The following KCND2 variants were observed in gnomAD, a reference collection of about 807,000 sequenced individuals.
KCND2 encodes potassium voltage-gated channel subfamily D member 2.
KCND2 carries 16 observed loss-of-function variants against 54.4 expected under a neutral mutation model. The ratio of observed to expected loss-of-function variants is 0.29; its 90% CI spans 0.20 to 0.45. The LOEUF is 0.45. Ranked by LOEUF, KCND2 falls within the 20% of genes least tolerant of loss-of-function variation. KCND2 has a pLI of 1.00. For missense variants in KCND2, 486 were observed against 824.2 expected (o/e 0.59, Z 5.02); for synonymous variants, 317 against 310.7 (o/e 1.02, Z -0.21).
At chr7:120,640,162 C>A (rs1243546313) in intron 1 of KCND2, among the ~76,000 whole-genome samples, 1 of 152,028 alleles carries the variant, frequency 6.6e-6, no homozygotes, top group South Asian at 2.1e-4. Flanking sequence ...ATAGATTGAG[C>A]CTTCACTGAA....
At chr7:120,385,069 C>T (rs1290985686) in intron 1 of KCND2, among the ~76,000 whole-genome samples, 4 of 125,940 alleles carry the variant, frequency 3.2e-5, no homozygotes, top group African/African-American at 8.5e-5. Context: ...TGCAGTGGCA[C>T]GATCTTGGTT....
At chr7:120,746,067 G>C (rs747213414) in intron 5 of KCND2, 40 bp downstream of exon 5, 6 of 1,604,364 alleles carry the variant, frequency 3.7e-6, no homozygotes, top group South Asian at 1.1e-5. Context: ...CACCTGTGCT[G>C]GTTCCCAGGG....
chr7:120,431,654 T>A (rs748196699), intron 1 of KCND2, among the ~76,000 whole-genome samples: 2 of 152,218 alleles, frequency 1.3e-5, no homozygotes, highest in Non-Finnish European at 2.9e-5. Flanking sequence ...AGCCTCAGTA[T>A]TATTTTTTGT....
At chr7:120,521,963 G>A (rs1791702080) in intron 1 of KCND2, among the ~76,000 whole-genome samples, 1 of 152,156 alleles carries the variant, frequency 6.6e-6, no homozygotes, top group Admixed American at 6.6e-5. Flanking sequence ...TCTGCACCCA[G>A]TGATCTCTCA....
intron 1 of KCND2, among the ~76,000 whole-genome samples, chr7:120,359,276 A>G (rs1800555763): frequency 6.6e-6 from 1 of 152,132 alleles, no homozygotes; most frequent in African/African-American, 2.4e-5. Flanking sequence ...TCCTCTCTTC[A>G]TAACAAAACT....
At chr7:120,371,059 T>A (rs1304068121) in intron 1 of KCND2, among the ~76,000 whole-genome samples, 1 of 152,062 alleles carries the variant, frequency 6.6e-6, no homozygotes, top group Non-Finnish European at 1.5e-5. Flanking sequence ...ACTGAAGCAG[T>A]CCTTGTCTTG....
intron 1 of KCND2, among the ~76,000 whole-genome samples, chr7:120,585,802 C>T (rs1386127979): frequency 6.6e-6 from 1 of 152,096 alleles, no homozygotes; most frequent in East Asian, 1.9e-4. Flanking sequence ...TATTTGAACG[C>T]AATGATAATG....
chr7:120,741,167 C>T (rs574541439), intron 2 of KCND2, among the ~76,000 whole-genome samples: 2 of 151,616 alleles, frequency 1.3e-5, no homozygotes, highest in Non-Finnish European at 1.5e-5. Context: ...CCTGAGCTAC[C>T]GGTCTTCATT....
At chr7:120,598,014 G>A (rs1792766919) in intron 1 of KCND2, among the ~76,000 whole-genome samples, 1 of 151,430 alleles carries the variant, frequency 6.6e-6, no homozygotes, top group African/African-American at 2.4e-5. Flanking sequence ...CTCCACAAGA[G>A]CATTTAGCCT....
At chr7:120,740,578 G>A (rs904152806) in intron 2 of KCND2, among the ~76,000 whole-genome samples, 1 of 152,022 alleles carries the variant, frequency 6.6e-6, no homozygotes, top group Non-Finnish European at 1.5e-5. Context: ...CTAAATGCAC[G>A]TCAACAACAG....
intron 1 of KCND2, among the ~76,000 whole-genome samples, chr7:120,390,461 C>A (rs953531023): frequency 6.6e-6 from 1 of 151,842 alleles, no homozygotes; most frequent in African/African-American, 2.4e-5. Flanking sequence ...TTATGAGATA[C>A]CTTAATTATT....
chr7:120,665,468 A>C (rs1791914954), intron 1 of KCND2, among the ~76,000 whole-genome samples: 1 of 152,012 alleles, frequency 6.6e-6, no homozygotes, highest in African/African-American at 2.4e-5. Flanking sequence ...GTTTTATTTT[A>C]CCGAGTTGAA....
chr7:120,737,084 A>C (rs970630086), intron 2 of KCND2, among the ~76,000 whole-genome samples: 1 of 149,688 alleles, frequency 6.7e-6, no homozygotes, highest in African/African-American at 2.5e-5. Flanking sequence ...ACAAACAAAA[A>C]AAAAAAAAAC....
intron 1 of KCND2, among the ~76,000 whole-genome samples, chr7:120,568,540 C>A (rs1792325755): frequency 6.6e-6 from 1 of 152,046 alleles, no homozygotes; most frequent in African/African-American, 2.4e-5. Flanking sequence ...AAAAAAGTTA[C>A]TTAAAATATG....
chr7:120,342,472 T>C (rs752550625), intron 1 of KCND2, among the ~76,000 whole-genome samples: 8 of 152,168 alleles, frequency 5.3e-5, no homozygotes, highest in Non-Finnish European at 7.4e-5. Flanking sequence ...CATGAACTCA[T>C]TCATACACCA....
At chr7:120,505,634 G>A (rs1455229005) in intron 1 of KCND2, among the ~76,000 whole-genome samples, 6 of 151,700 alleles carry the variant, frequency 4.0e-5, no homozygotes, top group African/African-American at 1.2e-4. Flanking sequence ...ACCTGTTTTA[G>A]CTGACACACT....
At chr7:120,393,416 A>G (rs960425734) in intron 1 of KCND2, among the ~76,000 whole-genome samples, 4 of 152,046 alleles carry the variant, frequency 2.6e-5, no homozygotes, top group Non-Finnish European at 5.9e-5. Context: ...ATACCTTTGG[A>G]AAGATAACTT....
chr7:120,294,798 A>T (rs547507636), intron 1 of KCND2, among the ~76,000 whole-genome samples: 1 of 152,056 alleles, frequency 6.6e-6, no homozygotes, highest in East Asian at 1.9e-4. Context: ...TCATCTATCT[A>T]TATAAAGATA....
chr7:120,289,213 G>A (rs888526614), intron 1 of KCND2, among the ~76,000 whole-genome samples: 10 of 151,982 alleles, frequency 6.6e-5, no homozygotes, highest in African/African-American at 2.4e-4. Context: ...TAGCAGGCAC[G>A]ATCCCTTGTA....
Sources: allele counts gnomAD v4.1 joint callset (sites outside exome capture counted in the v4.1 genomes callset), GRCh38; gene constraint gnomAD v4.1.1; transcripts MANE v1.5; gene names NCBI Gene and HGNC (gene_info 2026-07-23, HGNC 2026-07-21).